Variants in NINL observed in about 807,000 individuals in gnomAD.
The protein encoded by NINL is ninein like.
NINL carries 153 observed loss-of-function variants against 160.3 expected under a neutral mutation model. The ratio of observed to expected loss-of-function variants is 0.95; its 90% CI spans 0.84 to 1.09. The LOEUF is 1.09. Ranked by LOEUF, NINL falls within the 50% of genes least tolerant of loss-of-function variation. The probability of loss-of-function intolerance (pLI) is 0.00; values close to 1 mark genes in which losing one functional copy is unlikely to be tolerated. For synonymous variants in NINL, 800 were observed against 734.8 expected (o/e 1.09, Z -1.43); for missense variants, 1,829 against 1,764.0 (o/e 1.04, Z -0.66).
intron 13 of NINL, among the ~76,000 whole-genome samples, chr20:25,487,815 G>A (rs772111843): frequency 3.3e-5 from 5 of 152,256 alleles, no homozygotes; most frequent in African/African-American, 7.2e-5. Flanking sequence ...GGCCAGAGCA[G>A]GGTGGGGTGA....
At chr20:25,480,091 T>C (rs936518408) in intron 15 of NINL, 70 bp downstream of exon 15, 7 of 1,098,842 alleles carry the variant, frequency 6.4e-6, no homozygotes, top group African/African-American at 6.2e-5. Context: ...AATGTCAGCG[T>C]GCCCAAGTAA....
chr20:25,495,084 A>G (rs2063724766), intron 10 of NINL, among the ~76,000 whole-genome samples: 1 of 152,166 alleles, frequency 6.6e-6, no homozygotes, highest in African/African-American at 2.4e-5. Context: ...CCCCTGGTGC[A>G]CACAGGAGAC....
chr20:25,465,406 C>T (rs1043218277), intron 19 of NINL, among the ~76,000 whole-genome samples: 3 of 152,192 alleles, frequency 2.0e-5, no homozygotes, highest in Non-Finnish European at 2.9e-5. Flanking sequence ...GCCTCCCCCG[C>T]GGCTCCAGGG....
At chr20:25,583,507 C>A (rs918852550) in intron 1 of NINL, among the ~76,000 whole-genome samples, 1 of 152,168 alleles carries the variant, frequency 6.6e-6, no homozygotes, top group Non-Finnish European at 1.5e-5. Context: ...GGAATAGGAA[C>A]GCTTTTACAC....
chr20:25,498,361 C>T lies in NINL; in HGVS notation c.1033-15G>A, dbSNP rs2063801480. Reference sequence around the variant, plus strand: ...AAGTCCAGGCTCTGGAAGCAGCAAGCCTGGTAAGCAGGAGAGGCTGAGGGA... The same window carrying T: ...AAGTCCAGGCTCTGGAAGCAGCAAGTCTGGTAAGCAGGAGAGGCTGAGGGA... On this transcript the variant is annotated splice_polypyrimidine_tract_variant and intron_variant, in intron 8 of 23. Transcript: ENST00000278886. The T allele has an allele frequency of 1.2e-6, 2 of 1,611,560 alleles. No individual in the cohort carries two copies. Among genetic ancestry groups the T allele is most frequent in the African/African-American group, 1.3e-5 (1 of 74,870 alleles).
intron 2 of NINL, among the ~76,000 whole-genome samples, chr20:25,524,516 A>C (rs896426440): frequency 6.6e-6 from 1 of 152,164 alleles, no homozygotes; most frequent in African/African-American, 2.4e-5. Context: ...GTGGTACCCA[A>C]CTTTCTTCTC....
intron 3 of NINL, 56 bp from the exon 4 acceptor site, chr20:25,513,062 G>A (rs905989279): frequency 2.6e-6 from 4 of 1,526,880 alleles, no homozygotes; most frequent in African/African-American, 1.4e-5. Context: ...CTGGGCCCAT[G>A]CAGGCCAGCA....
At chr20:25,561,117 G>T (rs568153716) in intron 1 of NINL, among the ~76,000 whole-genome samples, 3 of 140,180 alleles carry the variant, frequency 2.1e-5, no homozygotes, top group Admixed American at 7.7e-5. Context: ...CTGCCATCTC[G>T]GCTCACTGCA....
At chr20:25,550,565 C>T (rs939238405) in intron 1 of NINL, among the ~76,000 whole-genome samples, 5 of 151,492 alleles carry the variant, frequency 3.3e-5, no homozygotes, top group African/African-American at 1.2e-4. Context: ...TGTGGCAGGA[C>T]TATAGGGTAA....
chr20:25,543,631 G>T (rs2064696397), intron 1 of NINL, among the ~76,000 whole-genome samples: 1 of 152,224 alleles, frequency 6.6e-6, no homozygotes, highest in African/African-American at 2.4e-5. Flanking sequence ...ATGGGAAATT[G>T]GCTGTCCGCA....
At position 25,475,959 on chromosome 20, in the gene NINL, GC is replaced by G. The variant is rs2063221316; in HGVS notation, c.3248+83del. 4 of 1,396,842 alleles carry G rather than the reference GC, an allele frequency of 2.9e-6. No individual in the cohort carries two copies. In the East Asian group the frequency reaches 6.9e-5, roughly 24 times the overall value. 86.5% of individuals were successfully genotyped at this position (1,396,842 alleles called of 1,614,324 possible). ...GCTTGTCGGCAGGAAGGGCCACATA[GC>G]ACCATTAGCAACAGGGGTCAGTGGG... On this transcript the variant is annotated intron_variant, in intron 17 of 23. Coordinates refer to ENST00000278886, the MANE Select transcript of NINL (RefSeq NM_025176.6).
intron 1 of NINL, among the ~76,000 whole-genome samples, chr20:25,546,614 C>G (rs2064735895): frequency 6.6e-6 from 1 of 151,986 alleles, no homozygotes; most frequent in South Asian, 2.1e-4. Flanking sequence ...GGTTAATTCC[C>G]TTAATAAAGA....
Position 25,529,946 on chromosome 20 carries a change from C to G in NINL, c.-11-3348G>C, listed in dbSNP as rs556192834. 4.6e-5 allele frequency among the ~76,000 whole-genome samples: 7 copies of G among 152,300 alleles called. No individual in the cohort carries two copies. In the East Asian group the frequency reaches 1.3e-3, roughly 29 times the overall value. ...GGGCAGAGTGGCTGGTGGAAGGACCCCAGGCAAAGGGGAGCAGGATGCCTC... is the reference window on the plus strand; with the variant it reads ...GGGCAGAGTGGCTGGTGGAAGGACCGCAGGCAAAGGGGAGCAGGATGCCTC... On this transcript the variant is annotated intron_variant, in intron 1 of 23. Transcript: ENST00000278886.
intron 1 of NINL, among the ~76,000 whole-genome samples, chr20:25,582,562 T>C (rs764537856): frequency 6.6e-6 from 1 of 152,208 alleles, no homozygotes; most frequent in Non-Finnish European, 1.5e-5. Flanking sequence ...CTAATTTTTA[T>C]TGCACCTGAA....
At chr20:25,539,006 A>G (rs1442747197) in intron 1 of NINL, among the ~76,000 whole-genome samples, 3 of 152,146 alleles carry the variant, frequency 2.0e-5, no homozygotes, top group Non-Finnish European at 4.4e-5. Context: ...AAATGACATG[A>G]GTGCTGCCCT....
At chr20:25,554,765 C>A (rs986909244) in intron 1 of NINL, among the ~76,000 whole-genome samples, 1 of 151,976 alleles carries the variant, frequency 6.6e-6, no homozygotes, top group Admixed American at 6.6e-5. Context: ...TGTGACTGCA[C>A]CTTTGCACTC....
rs1241838538 is a variant in NINL at position 25,539,935 on chromosome 20, CG to C, written c.-11-13338del. ...CCAGCACTGCCACTGCACACCCCTG[CG>C]GGTTCCCGGGGGCTCCCAGGCCTGC... On this transcript the variant is annotated intron_variant, in intron 1 of 23. Coordinates refer to ENST00000278886, the MANE Select transcript of NINL (RefSeq NM_025176.6). The C allele has an allele frequency of 1.0e-5, 8 of 799,234 alleles. No individual in the cohort carries two copies. In the East Asian group the frequency reaches 5.2e-4, roughly 52 times the overall value. The allele number at this position is 799,234 out of a possible 1,614,324, so 49.5% of individuals were successfully genotyped here.
At chr20:25,494,028 C>T (rs1261685840) in intron 10 of NINL, among the ~76,000 whole-genome samples, 1 of 151,994 alleles carries the variant, frequency 6.6e-6, no homozygotes, top group African/African-American at 2.4e-5. Flanking sequence ...GCACCAAGAA[C>T]GTACACTCCA....
intron 21 of NINL, among the ~76,000 whole-genome samples, chr20:25,460,922 C>T (rs1351955570): frequency 2.0e-5 from 3 of 152,186 alleles, no homozygotes; most frequent in African/African-American, 4.8e-5. Flanking sequence ...CACCTTTGGC[C>T]GTTACACACC....
Sources: allele counts gnomAD v4.1 joint callset (sites outside exome capture counted in the v4.1 genomes callset), GRCh38; gene constraint gnomAD v4.1.1; transcripts MANE v1.5; gene names NCBI Gene and HGNC (gene_info 2026-07-23, HGNC 2026-07-21).